PALLD: variants seen among roughly 807,000 people sequenced by gnomAD.
PALLD encodes palladin.
A neutral mutation model predicts 123.5 loss-of-function variants in PALLD; 61 were observed. That is an observed-to-expected ratio of 0.49 (90% confidence interval 0.40 to 0.61). The LOEUF (loss-of-function observed/expected upper bound fraction) is 0.61. Ranked by LOEUF, PALLD falls within the 20% of genes least tolerant of loss-of-function variation. The pLI, the probability that PALLD is intolerant of heterozygous loss-of-function variation, is 0.00. For missense variants in PALLD, 1,273 were observed against 1,377.0 expected, an observed-to-expected ratio of 0.92 and a Z score of 1.20; for synonymous variants, 465 against 496.4, an observed-to-expected ratio of 0.94 and a Z score of 0.84.
At chr4:168,687,697 T>G (rs1164523788) in intron 6 of PALLD, among the ~76,000 whole-genome samples, 1 of 152,182 alleles carries the variant, frequency 6.6e-6, no homozygotes, top group African/African-American at 2.4e-5. Context: ...CAAGAGGAAC[T>G]CTCAAATACT....
intron 10 of PALLD, among the ~76,000 whole-genome samples, chr4:168,722,433 C>T (rs191809502): frequency 6.6e-6 from 1 of 152,280 alleles, no homozygotes; most frequent in Admixed American, 6.5e-5. Context: ...ACTTTACCCT[C>T]AGAGACAATG....
At chr4:168,726,769 C>T (rs1037737633) in intron 10 of PALLD, among the ~76,000 whole-genome samples, 8 of 151,822 alleles carry the variant, frequency 5.3e-5, no homozygotes, top group Non-Finnish European at 8.8e-5. Flanking sequence ...AAAAAATCAA[C>T]TTCTATTTTA....
intron 10 of PALLD, among the ~76,000 whole-genome samples, chr4:168,753,505 C>T (rs1362715045): frequency 1.3e-5 from 2 of 152,074 alleles, no homozygotes; most frequent in African/African-American, 4.8e-5. Flanking sequence ...AATCTTGTCT[C>T]CTGGTATTCA....
At chr4:168,878,422 C>G in intron 10 of PALLD, 2 of 1,439,726 alleles carry the variant, frequency 1.4e-6, no homozygotes, top group South Asian at 2.8e-5. Flanking sequence ...TCCTCCACTT[C>G]CCTGCCCCTC....
chr4:168,745,206 C>T (rs192870821), intron 10 of PALLD, among the ~76,000 whole-genome samples: 51 of 152,298 alleles, frequency 3.3e-4, no homozygotes, highest in African/African-American at 9.4e-4. Context: ...GCATGGCACT[C>T]AGTAAGTACC....
At chr4:168,907,844 A>C (rs571378245) in intron 15 of PALLD, among the ~76,000 whole-genome samples, 5 of 152,306 alleles carry the variant, frequency 3.3e-5, no homozygotes, top group African/African-American at 1.2e-4. Context: ...AAAGGAGAAA[A>C]AAAAAAGATT....
chr4:168,894,460 G>A (rs1247782417), intron 11 of PALLD, 119 bp from the exon 12 acceptor site: 4 of 722,614 alleles, frequency 5.5e-6, no homozygotes, highest in South Asian at 1.5e-5. Context: ...ATCTGAAGCT[G>A]GAGAGAGAAC....
intron 10 of PALLD, among the ~76,000 whole-genome samples, chr4:168,851,304 ATAACT>A (rs1336148036): frequency 3.3e-5 from 5 of 152,348 alleles, no homozygotes; most frequent in Non-Finnish European, 5.9e-5. Context: ...AAACTGTTTG[ATAACT>A]TAATAGTACA....
At chr4:168,599,595 T>C (rs1458067665) in intron 2 of PALLD, among the ~76,000 whole-genome samples, 1 of 152,102 alleles carries the variant, frequency 6.6e-6, no homozygotes, top group East Asian at 1.9e-4. Flanking sequence ...TAATATGCTA[T>C]GTAGTTATTA....
At chr4:168,586,055 A>G (rs754719680) in intron 2 of PALLD, among the ~76,000 whole-genome samples, 22 of 151,622 alleles carry the variant, frequency 1.5e-4, no homozygotes, top group Non-Finnish European at 2.9e-4. Context: ...TTCGAGTTGG[A>G]AAGAAATGTC....
chr4:168,813,144 CAT>C (rs1246349330), intron 10 of PALLD, among the ~76,000 whole-genome samples: 3 of 151,962 alleles, frequency 2.0e-5, no homozygotes, highest in Non-Finnish European at 2.9e-5. Flanking sequence ...TTTTCTACCA[CAT>C]GTTTAATGAC....
intron 13 of PALLD, among the ~76,000 whole-genome samples, chr4:168,897,285 G>A (rs911590533): frequency 3.9e-5 from 6 of 152,050 alleles, no homozygotes; most frequent in African/African-American, 1.4e-4. Context: ...AACAACTTGT[G>A]GTATAACTCT....
At chr4:168,808,214 C>T (rs1476180063) in intron 10 of PALLD, among the ~76,000 whole-genome samples, 1 of 151,548 alleles carries the variant, frequency 6.6e-6, no homozygotes, top group Non-Finnish European at 1.5e-5. Flanking sequence ...GGCACAGTGG[C>T]TCATGCCTGT....
rs77967755 is a variant in PALLD at position 168,587,859 on chromosome 4, G to T, written c.908+75447G>T. ...CTCAGATGATTCATTAAAATACAGT[G>T]GAGCGCTCTTCAGGGGGGTGCAGGG... On this transcript the variant is annotated intron_variant, in intron 2 of 21. Transcript: ENST00000505667. Among the ~76,000 whole-genome samples, 15 of 152,136 alleles carry T rather than the reference G, an allele frequency of 9.9e-5. No homozygotes were observed. In the East Asian group the frequency reaches 2.9e-3, roughly 29 times the overall value.
chr4:168,925,972 AAAAAG>A (rs1360483889), intron 21 of PALLD, among the ~76,000 whole-genome samples: 2 of 152,194 alleles, frequency 1.3e-5, no homozygotes, highest in African/African-American at 2.4e-5. Context: ...CTTAAAAAAA[AAAAAG>A]ATAAACTACA....
At position 168,807,797 on chromosome 4, in the gene PALLD, G is replaced by A. The variant is rs191427327; in HGVS notation, c.1965-83125G>A. On this transcript the variant is annotated intron_variant, in intron 10 of 21. Coordinates refer to ENST00000505667, the MANE Select transcript of PALLD (RefSeq NM_001166108.2). ...CTCAGCTCACTGCAACTTCTGCCTG[G>A]CAGGTTCAAGTGATTCTCCTGCCTC... Among the ~76,000 whole-genome samples, 5 of 152,148 alleles carry A rather than the reference G, an allele frequency of 3.3e-5. No individual in the cohort carries two copies. In the East Asian group the frequency reaches 7.7e-4, roughly 24 times the overall value.
chr4:168,729,177 G>A (rs1786900938), intron 10 of PALLD, among the ~76,000 whole-genome samples: 1 of 152,154 alleles, frequency 6.6e-6, no homozygotes, highest in Admixed American at 6.5e-5. Context: ...GACACCAGCT[G>A]AATTCAGTTC....
intron 2 of PALLD, among the ~76,000 whole-genome samples, chr4:168,527,150 C>T (rs1049785454): frequency 5.9e-5 from 9 of 152,114 alleles, no homozygotes; most frequent in Non-Finnish European, 1.0e-4. Flanking sequence ...TGACACGAGT[C>T]ATTGTTGAAG....
At chr4:168,692,140 G>A (rs4613531) in intron 8 of PALLD, among the ~76,000 whole-genome samples, 1 of 152,100 alleles carries the variant, frequency 6.6e-6, no homozygotes, top group South Asian at 2.1e-4. Context: ...ATGTGTCTTA[G>A]GAGCCATGAC....
Sources: gnomAD v4.1 joint callset for allele counts (sites outside exome capture counted in the v4.1 genomes callset) on GRCh38, gnomAD v4.1.1 for gene constraint, MANE v1.5 for transcripts, NCBI Gene and HGNC (gene_info 2026-07-23, HGNC 2026-07-21) for gene names.